The following NXPH1 variants were observed in gnomAD, a reference collection of about 807,000 sequenced individuals.
NXPH1 encodes neurexophilin-1.
NXPH1 carries 5 observed loss-of-function variants against 23.7 expected under a neutral mutation model. That is an observed-to-expected ratio of 0.21 (90% confidence interval 0.11 to 0.44). NXPH1 has a LOEUF of 0.44. Among genes scored for constraint, NXPH1 ranks in the 20% least tolerant of loss-of-function variants. The probability of loss-of-function intolerance (pLI) is 0.99; values close to 1 mark genes in which losing one functional copy is unlikely to be tolerated. For synonymous variants in NXPH1, 144 were observed against 122.2 expected, an observed-to-expected ratio of 1.18 and a Z score of -1.18; for missense variants, 324 against 321.6, an observed-to-expected ratio of 1.01 and a Z score of -0.06.
Position 8,751,408 on chromosome 7 carries a change from A to C in NXPH1, c.455A>C (p.Tyr152Ser), listed in dbSNP as rs1780562893. The change falls in exon 3 of 3, where the codon TAT becomes TCT. Residue 152 changes from tyrosine to serine, a missense_variant. By Grantham distance (144) the Tyr-to-Ser change is moderately radical (BLOSUM62 -2). Transcript: ENST00000405863. The surrounding 1 kb of genome is among the most constrained non-coding windows in gnomAD (Gnocchi z 4.5). Reference sequence around the variant, plus strand: ...CATGGCAATGGGACATTTAGTGTTTATTTCAGGCATAATTCAACTGGTCAA... The same window carrying C: ...CATGGCAATGGGACATTTAGTGTTTCTTTCAGGCATAATTCAACTGGTCAA... Reference protein sequence around the residue: ...VDHGNGTFSVYFRHNSTGQGN... With the variant: ...VDHGNGTFSVSFRHNSTGQGN... 2 of 1,613,898 alleles carry C rather than the reference A, an allele frequency of 1.2e-6. No homozygotes were observed. The highest frequency in any genetic ancestry group is 1.7e-6 in the Non-Finnish European group (2 of 1,179,852).
intron 2 of NXPH1, among the ~76,000 whole-genome samples, chr7:8,670,329 C>T (rs188036221): frequency 3.3e-5 from 5 of 152,356 alleles, no homozygotes; most frequent in Admixed American, 3.3e-4. Context: ...AAATCTCTCA[C>T]AAGTTCTATC....
At chr7:8,713,797 G>C (rs190803774) in intron 2 of NXPH1, among the ~76,000 whole-genome samples, 1 of 152,148 alleles carries the variant, frequency 6.6e-6, no homozygotes, top group Non-Finnish European at 1.5e-5. Flanking sequence ...TTCTCTTCCC[G>C]TAATTTCTCC....
intron 2 of NXPH1, among the ~76,000 whole-genome samples, chr7:8,614,844 A>G (rs2128630257): frequency 6.6e-6 from 1 of 152,140 alleles, no homozygotes; most frequent in African/African-American, 2.4e-5. Flanking sequence ...TGTGGCAGTT[A>G]TTGTTCTTAT....
At chr7:8,743,129 A>G (rs1780394736) in intron 2 of NXPH1, among the ~76,000 whole-genome samples, 1 of 152,138 alleles carries the variant, frequency 6.6e-6, no homozygotes, top group Admixed American at 6.5e-5. Context: ...TCATAGAGCA[A>G]TGTTTGTTTG....
chr7:8,725,917 T>C (rs927939880), intron 2 of NXPH1, among the ~76,000 whole-genome samples: 2 of 152,180 alleles, frequency 1.3e-5, no homozygotes, highest in East Asian at 3.8e-4. Context: ...GGTTTTTGAA[T>C]CAATCTAAGG....
intron 2 of NXPH1, among the ~76,000 whole-genome samples, chr7:8,557,444 A>T (rs1426142999): frequency 1.3e-5 from 2 of 151,666 alleles, no homozygotes; most frequent in Non-Finnish European, 3.0e-5. Context: ...GTCCTGTGAC[A>T]GACTTGGTCA....
At chr7:8,685,817 A>G (rs1302357889) in intron 2 of NXPH1, among the ~76,000 whole-genome samples, 1 of 131,868 alleles carries the variant, frequency 7.6e-6, no homozygotes, top group Non-Finnish European at 1.7e-5. Flanking sequence ...GATGGTTAAT[A>G]GGTTAAAAAA....
intron 2 of NXPH1, among the ~76,000 whole-genome samples, chr7:8,497,739 G>C (rs1040513840): frequency 2.0e-5 from 3 of 152,196 alleles, no homozygotes; most frequent in African/African-American, 4.8e-5. Flanking sequence ...ATTTGTTTAA[G>C]TTCTTTGTAG....
At chr7:8,598,657 C>T (rs780698486) in intron 2 of NXPH1, among the ~76,000 whole-genome samples, 1 of 152,102 alleles carries the variant, frequency 6.6e-6, no homozygotes, top group Non-Finnish European at 1.5e-5. Flanking sequence ...ATTTGTACAG[C>T]GTCAGTATTT....
chr7:8,643,292 C>T lies in NXPH1; in HGVS notation c.55-107716C>T, dbSNP rs146896612. ...ATTTTTAATAATATATGTATATGTA[C>T]ATATATATTCTTATACATGTGTAAT... On this transcript the variant is annotated intron_variant, in intron 2 of 2. Transcript: ENST00000405863. 2.2e-3 allele frequency among the ~76,000 whole-genome samples: 339 copies of T among 152,060 alleles called. 4 individuals are homozygous for T. The highest frequency in any genetic ancestry group is 7.5e-3 in the African/African-American group (312 of 41,482).
chr7:8,739,328 A>G (rs1004041717), intron 2 of NXPH1, among the ~76,000 whole-genome samples: 1 of 151,966 alleles, frequency 6.6e-6, no homozygotes, highest in Non-Finnish European at 1.5e-5. Context: ...CTATGGGAAA[A>G]GTGTAGTATC....
rs116303925 is a variant in NXPH1, at chr7:8,657,408, T to C, written c.55-93600T>C. 2.3e-3 allele frequency among the ~76,000 whole-genome samples: 348 copies of C among 152,338 alleles called. 1 individual carries two copies. Among genetic ancestry groups the C allele is most frequent in the African/African-American group, 8.0e-3 (331 of 41,574 alleles). ...ATTTTTGATAATTCCTGTATTCTTT[T>C]GAGCAGTGATTTGCAGGACATTTCC... On this transcript the variant is annotated intron_variant, in intron 2 of 2. Transcript: ENST00000405863.
At chr7:8,445,319 C>G (rs1174323779) in intron 2 of NXPH1, among the ~76,000 whole-genome samples, 1 of 152,134 alleles carries the variant, frequency 6.6e-6, no homozygotes, top group East Asian at 1.9e-4. Context: ...CTTGTACTAA[C>G]TTAGAGGAAC....
chr7:8,720,979 C>A (rs921479572), intron 2 of NXPH1, among the ~76,000 whole-genome samples: 2 of 152,110 alleles, frequency 1.3e-5, no homozygotes, highest in African/African-American at 4.8e-5. Flanking sequence ...CAACTGAATG[C>A]AATGCAATTG....
chr7:8,633,800 T>G (rs543470839), intron 2 of NXPH1, among the ~76,000 whole-genome samples: 3 of 152,282 alleles, frequency 2.0e-5, no homozygotes, highest in South Asian at 4.1e-4. Context: ...AACCCTCTTT[T>G]TGTGGATGAC....
intron 2 of NXPH1, among the ~76,000 whole-genome samples, chr7:8,544,675 A>C (rs1162559446): frequency 6.6e-6 from 1 of 151,584 alleles, no homozygotes; most frequent in Non-Finnish European, 1.5e-5. Context: ...TATGCTTCTT[A>C]AAAATTTTAC....
chr7:8,540,107 T>C (rs533902950), intron 2 of NXPH1, among the ~76,000 whole-genome samples: 1 of 151,818 alleles, frequency 6.6e-6, no homozygotes. Flanking sequence ...TCCTACAATC[T>C]TAAAAACAAT....
In NXPH1 at chr7:8,519,693, C is replaced by G. The variant is rs10251819; in HGVS notation, c.54+83926C>G. On this transcript the variant is annotated intron_variant, in intron 2 of 2. Transcript: ENST00000405863. ...CACCGCTCCTTATGTTTTTACCTTT[C>G]CGTATGCGTGTGCATTACTTGAAAG... is the stretch of plus-strand genomic sequence containing the variant. Among the ~76,000 whole-genome samples, 839 of 152,290 alleles carry G rather than the reference C, an allele frequency of 5.5e-3. 6 individuals carry two copies. The highest frequency in any genetic ancestry group is 0.019 in the African/African-American group (808 of 41,568).
chr7:8,526,827 G>A (rs1410962106), intron 2 of NXPH1, among the ~76,000 whole-genome samples: 1 of 152,118 alleles, frequency 6.6e-6, no homozygotes, highest in Non-Finnish European at 1.5e-5. Context: ...ACCAGTCTTG[G>A]CTATTTCTTT....
Sources: allele counts gnomAD v4.1 joint callset (sites outside exome capture counted in the v4.1 genomes callset), GRCh38; gene constraint gnomAD v4.1.1; non-coding constraint Gnocchi (gnomAD v3.1); transcripts MANE v1.5; gene names NCBI Gene and HGNC (gene_info 2026-07-23, HGNC 2026-07-21).